The following SKAP2 variants were observed in gnomAD, a reference collection of about 807,000 sequenced individuals.
SKAP2 encodes src kinase-associated phosphoprotein 2.
Under a neutral mutation model 54.9 loss-of-function variants are expected in SKAP2, and 28 were observed. The observed-to-expected ratio is 0.51, with a 90% CI of 0.38 to 0.70. The LOEUF (loss-of-function observed/expected upper bound fraction) is 0.70. SKAP2 is among the 30% of genes least tolerant of loss of function. The probability of loss-of-function intolerance (pLI) is 0.00; values close to 1 mark genes in which losing one functional copy is unlikely to be tolerated. For missense variants in SKAP2, 356 were observed against 424.1 expected, an observed-to-expected ratio of 0.84 and a Z score of 1.41; for synonymous variants, 137 against 134.3, an observed-to-expected ratio of 1.02 and a Z score of -0.14.
chr7:26,738,755 T>C (rs1341114293), intron 6 of SKAP2, 40 bp downstream of exon 6: 2 of 1,229,062 alleles, frequency 1.6e-6, no homozygotes, highest in Admixed American at 1.7e-5. Context: ...CCAAAAATTC[T>C]TTTGCAATAG....
At chr7:26,693,193 A>T (rs1233637229) in intron 9 of SKAP2, among the ~76,000 whole-genome samples, 2 of 152,148 alleles carry the variant, frequency 1.3e-5, no homozygotes, top group East Asian at 3.9e-4. Flanking sequence ...TTAGCATGGC[A>T]TGGTGGCAGG....
intron 11 of SKAP2, among the ~76,000 whole-genome samples, chr7:26,683,500 T>A (rs768573005): frequency 6.0e-5 from 9 of 150,266 alleles, no homozygotes; most frequent in Non-Finnish European, 1.3e-4. Flanking sequence ...TCAGAGTGGG[T>A]CCTGGCACAC....
At chr7:26,808,780 G>A (rs1285752592) in intron 4 of SKAP2, among the ~76,000 whole-genome samples, 1 of 152,130 alleles carries the variant, frequency 6.6e-6, no homozygotes, top group Non-Finnish European at 1.5e-5. Flanking sequence ...TAACAACAAT[G>A]CCTACGGCAA....
intron 4 of SKAP2, among the ~76,000 whole-genome samples, chr7:26,779,277 C>G (rs1485108649): frequency 6.6e-6 from 1 of 151,948 alleles, no homozygotes; most frequent in African/African-American, 2.4e-5. Context: ...CCTCTACAAT[C>G]ATTTTTACAC....
At chr7:26,745,590 C>T (rs1782545062) in intron 4 of SKAP2, among the ~76,000 whole-genome samples, 2 of 152,194 alleles carry the variant, frequency 1.3e-5, no homozygotes, top group Non-Finnish European at 2.9e-5. Flanking sequence ...GATTTTGTTA[C>T]TGCAGCCTCT....
intron 4 of SKAP2, among the ~76,000 whole-genome samples, chr7:26,807,152 A>G (rs1222137461): frequency 1.3e-5 from 2 of 152,242 alleles, no homozygotes; most frequent in Non-Finnish European, 2.9e-5. Context: ...CAGTAAAGAC[A>G]CTGTGAACAT....
intron 4 of SKAP2, among the ~76,000 whole-genome samples, chr7:26,832,075 C>G (rs530946402): frequency 6.6e-6 from 1 of 152,326 alleles, no homozygotes; most frequent in Non-Finnish European, 1.5e-5. Context: ...CAAACTCCAA[C>G]TTCTTCCATA....
Position 26,743,297 on chromosome 7 carries a change from A to T in SKAP2, c.308-3333T>A, listed in dbSNP as rs182205661. On this transcript the variant is annotated intron_variant, in intron 4 of 12. Coordinates refer to ENST00000345317, the MANE Select transcript of SKAP2 (RefSeq NM_003930.5). Reference sequence around the variant, plus strand: ...TTACCTATTACAGTTAAATATTGTTATATGTTACTATAACTGTAACTACTA... The same window carrying T: ...TTACCTATTACAGTTAAATATTGTTTTATGTTACTATAACTGTAACTACTA... Among the ~76,000 whole-genome samples the T allele has an allele frequency of 5.3e-5, 8 of 152,354 alleles. No individual in the cohort carries two copies. The East Asian group carries it at 1.5e-3, about 29-fold the overall frequency.
At chr7:26,811,165 A>G (rs1413324184) in intron 4 of SKAP2, among the ~76,000 whole-genome samples, 1 of 152,156 alleles carries the variant, frequency 6.6e-6, no homozygotes, top group Non-Finnish European at 1.5e-5. Context: ...TCCACCAGAA[A>G]AAGATTGTAG....
chr7:26,715,884 A>T (rs1461464709), intron 9 of SKAP2, among the ~76,000 whole-genome samples: 2 of 152,196 alleles, frequency 1.3e-5, no homozygotes, highest in African/African-American at 4.8e-5. Context: ...TGTCATTTCC[A>T]TTGTAATTTC....
chr7:26,753,641 A>G (rs1782731012), intron 4 of SKAP2, among the ~76,000 whole-genome samples: 1 of 152,182 alleles, frequency 6.6e-6, no homozygotes, highest in Non-Finnish European at 1.5e-5. Flanking sequence ...GTCTTGAGAG[A>G]GAAAGAGAGG....
At chr7:26,834,234 G>C (rs1784660358) in intron 4 of SKAP2, among the ~76,000 whole-genome samples, 1 of 152,146 alleles carries the variant, frequency 6.6e-6, no homozygotes, top group African/African-American at 2.4e-5. Context: ...CACCATAAGA[G>C]AAAGCAGAAA....
intron 4 of SKAP2, among the ~76,000 whole-genome samples, chr7:26,825,032 G>A (rs1407057707): frequency 6.6e-6 from 1 of 152,140 alleles, no homozygotes; most frequent in Non-Finnish European, 1.5e-5. Context: ...ATTTCACCAG[G>A]TCCTAGTGCT....
At chr7:26,772,255 G>T (rs1783204388) in intron 4 of SKAP2, among the ~76,000 whole-genome samples, 1 of 152,064 alleles carries the variant, frequency 6.6e-6, no homozygotes, top group Non-Finnish European at 1.5e-5. Flanking sequence ...TAGGTTCGGG[G>T]GTACATGTGT....
At chr7:26,800,107 G>A (rs533837463) in intron 4 of SKAP2, among the ~76,000 whole-genome samples, 2 of 152,092 alleles carry the variant, frequency 1.3e-5, no homozygotes, top group African/African-American at 2.4e-5. Flanking sequence ...CTGGGCGACA[G>A]AGCGAAACTC....
chr7:26,726,622 A>G (rs1210603994), intron 7 of SKAP2: 1 of 296,680 alleles, frequency 3.4e-6, no homozygotes, highest in Admixed American at 4.9e-5. Flanking sequence ...CCTATGTTCT[A>G]TGCAACATGT....
chr7:26,759,156 A>C (rs1264422837), intron 4 of SKAP2, among the ~76,000 whole-genome samples: 1 of 152,206 alleles, frequency 6.6e-6, no homozygotes, highest in African/African-American at 2.4e-5. Context: ...TTATGGCTAT[A>C]CTATAAACTT....
At chr7:26,671,855 A>G (rs765845384) in intron 11 of SKAP2, among the ~76,000 whole-genome samples, 7 of 152,058 alleles carry the variant, frequency 4.6e-5, no homozygotes, top group Non-Finnish European at 1.0e-4. Context: ...AGCAACGATT[A>G]TATCTTAATA....
intron 4 of SKAP2, among the ~76,000 whole-genome samples, chr7:26,774,616 C>A (rs1240281922): frequency 6.6e-6 from 1 of 151,886 alleles, no homozygotes; most frequent in African/African-American, 2.4e-5. Context: ...AGGTGACTAT[C>A]CTCACTCACT....
Sources: gnomAD v4.1 joint callset for allele counts (sites outside exome capture counted in the v4.1 genomes callset) on GRCh38, gnomAD v4.1.1 for gene constraint, MANE v1.5 for transcripts, NCBI Gene and HGNC (gene_info 2026-07-23, HGNC 2026-07-21) for gene names.